AOPEP: variants seen among roughly 807,000 people sequenced by gnomAD.
AOPEP encodes aminopeptidase O (putative).
Under a neutral mutation model 98.1 loss-of-function variants are expected in AOPEP, and 77 were observed. The ratio of observed to expected loss-of-function variants is 0.78; its 90% CI spans 0.65 to 0.95. The LOEUF (loss-of-function observed/expected upper bound fraction) is 0.95, where lower values mean the gene tolerates loss of function less well. Among genes scored for constraint, AOPEP ranks in the 40% least tolerant of loss-of-function variants. The probability of loss-of-function intolerance (pLI) is 0.00; values close to 1 mark genes in which losing one functional copy is unlikely to be tolerated. For missense variants in AOPEP, 1,024 were observed against 1,024.7 expected, an observed-to-expected ratio of 1.00 and a Z score of 0.01; for synonymous variants, 346 against 365.3, an observed-to-expected ratio of 0.95 and a Z score of 0.60.
At position 94,940,510 on chromosome 9, in the gene AOPEP, G is replaced by A. The variant is rs371738427; in HGVS notation, c.1661+11979G>A. On this transcript the variant is annotated intron_variant, in intron 7 of 16. Transcript: ENST00000375315. ...CTAGCTACTCAGAAGGCTGAGGCACGAGAATTTCTTGAACCTGAGAGGCAG... is the reference window on the plus strand; with the variant it reads ...CTAGCTACTCAGAAGGCTGAGGCACAAGAATTTCTTGAACCTGAGAGGCAG... Among the ~76,000 whole-genome samples, 54 of 152,234 alleles carry A rather than the reference G, an allele frequency of 3.5e-4. 1 individual carries two copies. Among genetic ancestry groups the A allele is most frequent in the African/African-American group, 1.3e-3 (53 of 41,542 alleles).
chr9:94,982,313 C>T (rs1002350168), intron 11 of AOPEP, among the ~76,000 whole-genome samples: 5 of 152,124 alleles, frequency 3.3e-5, no homozygotes, highest in Non-Finnish European at 7.3e-5. Flanking sequence ...AACATGCCCT[C>T]CGTAGCAAAT....
intron 5 of AOPEP, among the ~76,000 whole-genome samples, chr9:94,849,145 G>A (rs1425642120): frequency 1.3e-5 from 2 of 152,244 alleles, no homozygotes; most frequent in Admixed American, 6.5e-5. Context: ...GGTAGGAATA[G>A]TAAGGAGAGA....
At chr9:94,746,121 C>T (rs1179254770) in intron 1 of AOPEP, among the ~76,000 whole-genome samples, 1 of 152,194 alleles carries the variant, frequency 6.6e-6, no homozygotes, top group Non-Finnish European at 1.5e-5. Context: ...TTGTGCCCGC[C>T]TCTCCCTTCC....
At chr9:95,089,076 G>A (rs927785197), downstream of AOPEP, among the ~76,000 whole-genome samples, 4 of 152,190 alleles carry the variant, frequency 2.6e-5, no homozygotes, top group African/African-American at 7.2e-5. Flanking sequence ...AACTGCCCTC[G>A]CCGGCATCCT....
chr9:95,063,231 T>G (rs1425413972), intron 14 of AOPEP, among the ~76,000 whole-genome samples: 1 of 152,244 alleles, frequency 6.6e-6, no homozygotes, highest in African/African-American at 2.4e-5. Flanking sequence ...GACAGCTAAC[T>G]CTGGGAACAA....
At chr9:94,963,411 G>A (rs768803206) in intron 9 of AOPEP, among the ~76,000 whole-genome samples, 1 of 152,056 alleles carries the variant, frequency 6.6e-6, no homozygotes, top group Non-Finnish European at 1.5e-5. Context: ...GTGTTGTTAG[G>A]TGTTAATCAA....
chr9:94,872,055 A>G (rs2046408178), intron 5 of AOPEP, among the ~76,000 whole-genome samples: 1 of 152,170 alleles, frequency 6.6e-6, no homozygotes, highest in African/African-American at 2.4e-5. Context: ...TTTCTAGCTC[A>G]GCAAGACACC....
intron 3 of AOPEP, among the ~76,000 whole-genome samples, chr9:94,786,272 C>T (rs889768890): frequency 1.9e-4 from 29 of 152,318 alleles, no homozygotes; most frequent in African/African-American, 5.8e-4. Flanking sequence ...TGATAATTCT[C>T]TTGTTATACA....
chr9:94,814,058 T>A (rs1163486328), intron 5 of AOPEP, among the ~76,000 whole-genome samples: 1 of 152,264 alleles, frequency 6.6e-6, no homozygotes, highest in Non-Finnish European at 1.5e-5. Context: ...ATATCTATGT[T>A]GAGCAGTGGG....
At chr9:95,032,517 A>G (rs934101503) in intron 13 of AOPEP, among the ~76,000 whole-genome samples, 9 of 152,250 alleles carry the variant, frequency 5.9e-5, no homozygotes, top group African/African-American at 1.9e-4. Flanking sequence ...TCCTATGGTG[A>G]GCCAGCGAAA....
chr9:94,895,252 T>A lies in AOPEP; in HGVS notation c.1365-28734T>A, dbSNP rs1306095731. ...AATAAAATAAAATAAAAAAAAAAAA[T>A]AGCTGGGCATGGTGGTGTGCACCTG... On this transcript the variant is annotated intron_variant, in intron 5 of 16. Coordinates refer to ENST00000375315, the MANE Select transcript of AOPEP (RefSeq NM_001193329.3). Among the ~76,000 whole-genome samples, 499 of 110,818 alleles carry A rather than the reference T, an allele frequency of 4.5e-3. 11 individuals carry two copies. Among genetic ancestry groups the A allele is most frequent in the African/African-American group, 0.017 (462 of 26,840 alleles). 72.7% of individuals were successfully genotyped at this position (110,818 alleles called of 152,430 possible).
At chr9:94,979,169 C>T (rs929299677) in intron 10 of AOPEP, among the ~76,000 whole-genome samples, 198 bp from the exon 11 acceptor site, 27 of 152,214 alleles carry the variant, frequency 1.8e-4, no homozygotes, top group African/African-American at 6.5e-4. Flanking sequence ...GTGCATGTTG[C>T]TGTGGGTGAA....
chr9:95,116,876 C>G, the AOPEP span, among the ~76,000 whole-genome samples: 1 of 152,226 alleles, frequency 6.6e-6, no homozygotes, highest in Non-Finnish European at 1.5e-5. Context: ...GGGGAAACTT[C>G]CCCTGCATTT....
Position 95,005,061 on chromosome 9 carries a change from G to A in AOPEP, c.1978-97G>A, listed in dbSNP as rs1407104777. The A allele has an allele frequency of 8.2e-5, 41 of 498,144 alleles. 1 individual carries two copies. The highest frequency in any genetic ancestry group is 1.1e-4 in the Non-Finnish European group (40 of 374,820). The allele number at this position is 498,144 out of a possible 1,614,324, so 30.9% of individuals were successfully genotyped here. ...GCCGCTGCGTCCTCCCCGGCCGCGG[G>A]CGAGGTACGGGGCGGGCACGCCGAG... is the stretch of plus-strand genomic sequence containing the variant. On this transcript the variant is annotated intron_variant, in intron 11 of 16. Coordinates refer to ENST00000375315, the MANE Select transcript of AOPEP (RefSeq NM_001193329.3).
chr9:94,890,930 G>T (rs1406045116), intron 5 of AOPEP, among the ~76,000 whole-genome samples: 1 of 152,192 alleles, frequency 6.6e-6, no homozygotes, highest in African/African-American at 2.4e-5. Flanking sequence ...CTGTTGTTGG[G>T]TAGAGCCTTC....
chr9:95,125,505 T>G, the AOPEP span, among the ~76,000 whole-genome samples: 1 of 152,188 alleles, frequency 6.6e-6, no homozygotes, highest in Non-Finnish European at 1.5e-5. Flanking sequence ...ACATCAACAT[T>G]TTGCTTTCAC....
intron 5 of AOPEP, chr9:94,904,554 A>G (rs2050869894): frequency 6.6e-6 from 1 of 152,210 alleles, no homozygotes; most frequent in Non-Finnish European, 1.5e-5. Context: ...AATAATAAAA[A>G]TCAAGAATGT....
intron 3 of AOPEP, among the ~76,000 whole-genome samples, chr9:94,777,697 G>A (rs1428893193): frequency 5.1e-5 from 7 of 136,960 alleles, no homozygotes; most frequent in Admixed American, 4.8e-4. Flanking sequence ...ACAGTGGCGC[G>A]ATCTCAGCTC....
chr9:94,854,181 G>A (rs889378701), intron 5 of AOPEP, among the ~76,000 whole-genome samples: 3 of 152,192 alleles, frequency 2.0e-5, no homozygotes, highest in African/African-American at 4.8e-5. Context: ...ATGGTGGACG[G>A]CAGTATTTTA....
Sources: gnomAD v4.1 joint callset for allele counts (sites outside exome capture counted in the v4.1 genomes callset) on GRCh38, gnomAD v4.1.1 for gene constraint, MANE v1.5 for transcripts, NCBI Gene and HGNC (gene_info 2026-07-23, HGNC 2026-07-21) for gene names.